LAPTM4B: variants seen among roughly 807,000 people sequenced by gnomAD.
The protein encoded by LAPTM4B is lysosomal-associated transmembrane protein 4B.
Under a neutral mutation model 28.5 loss-of-function variants are expected in LAPTM4B, and 26 were observed. That is an observed-to-expected ratio of 0.91 (90% CI 0.67 to 1.27). The LOEUF is 1.27. Among genes scored for constraint, LAPTM4B ranks in the 50% most tolerant of loss-of-function variants. The probability of loss-of-function intolerance (pLI) is 0.00; values close to 1 mark genes in which losing one functional copy is unlikely to be tolerated. For synonymous variants in LAPTM4B, 109 were observed against 106.4 expected (o/e 1.02, Z -0.15); for missense variants, 288 against 285.8 (o/e 1.01, Z -0.06).
intron 6 of LAPTM4B, among the ~76,000 whole-genome samples, chr8:97,841,047 C>G (rs886649810): frequency 2.0e-5 from 3 of 147,024 alleles, no homozygotes; most frequent in African/African-American, 7.6e-5. Flanking sequence ...TGGGCAGAGG[C>G]ACTCCTCACT....
chr8:97,825,224 T>C, intron 6 of LAPTM4B, 71 bp downstream of exon 6: 1 of 760,760 alleles, frequency 1.3e-6, no homozygotes, highest in Non-Finnish European at 2.3e-6. Context: ...TAAGTGTTTC[T>C]AGTGTTTGCT....
chr8:97,836,182 TAA>T (rs1296721643), intron 6 of LAPTM4B, among the ~76,000 whole-genome samples: 4 of 152,100 alleles, frequency 2.6e-5, no homozygotes, highest in East Asian at 3.9e-4. Flanking sequence ...TTATTCAAAT[TAA>T]GTTTTGTTTT....
rs34761391 is a variant in LAPTM4B, at chr8:97,797,138, CT to C, written c.100-8202del. Among the ~76,000 whole-genome samples, 38 of 146,506 alleles carry C rather than the reference CT, an allele frequency of 2.6e-4. 2 individuals carry two copies. The highest frequency in any genetic ancestry group is 6.3e-4 in the African/African-American group (25 of 39,938). On this transcript the variant is annotated intron_variant, in intron 1 of 6. Transcript: ENST00000521545. The stretch of plus-strand genomic sequence containing the variant: ...ATTAATAATAAAATTGGAATTACAA[CT>C]TTTTTTTTTTTTGAGATGAAGTTTT...
intron 2 of LAPTM4B, among the ~76,000 whole-genome samples, chr8:97,809,223 G>A (rs984875850): frequency 6.6e-6 from 1 of 152,132 alleles, no homozygotes; most frequent in African/African-American, 2.4e-5. Flanking sequence ...TAGAACCATA[G>A]CATTATCATT....
chr8:97,848,712 G>C (rs1817468568), intron 6 of LAPTM4B, among the ~76,000 whole-genome samples: 1 of 152,220 alleles, frequency 6.6e-6, no homozygotes, highest in Non-Finnish European at 1.5e-5. Context: ...CTAAAGATAA[G>C]TATATGAATC....
chr8:97,784,891 T>C (rs1427116033), intron 1 of LAPTM4B, among the ~76,000 whole-genome samples: 1 of 152,196 alleles, frequency 6.6e-6, no homozygotes, highest in East Asian at 1.9e-4. Flanking sequence ...TTTTACCAGT[T>C]AGTGAGTGAT....
chr8:97,802,393 G>A (rs952046648), intron 1 of LAPTM4B, among the ~76,000 whole-genome samples: 4 of 152,140 alleles, frequency 2.6e-5, no homozygotes, highest in Non-Finnish European at 5.9e-5. Context: ...ACCTGACGTT[G>A]CCATGGCATT....
At chr8:97,847,911 T>G (rs1563624865) in intron 6 of LAPTM4B, among the ~76,000 whole-genome samples, 1 of 152,210 alleles carries the variant, frequency 6.6e-6, no homozygotes, top group Non-Finnish European at 1.5e-5. Flanking sequence ...TCCAGGCATC[T>G]TAAGCTTTGG....
chr8:97,783,929 AGTTT>A (rs1387654538), intron 1 of LAPTM4B, among the ~76,000 whole-genome samples: 2 of 152,162 alleles, frequency 1.3e-5, no homozygotes, highest in African/African-American at 4.8e-5. Context: ...ATCTATTATC[AGTTT>A]GTTTATTAGA....
intron 1 of LAPTM4B, among the ~76,000 whole-genome samples, chr8:97,791,647 A>G (rs1341028732): frequency 6.6e-6 from 1 of 152,184 alleles, no homozygotes; most frequent in Admixed American, 6.5e-5. Flanking sequence ...TTGGTTTAGC[A>G]GAGTTGGCCA....
At chr8:97,801,362 A>G (rs1816677211) in intron 1 of LAPTM4B, among the ~76,000 whole-genome samples, 1 of 151,922 alleles carries the variant, frequency 6.6e-6, no homozygotes, top group African/African-American at 2.4e-5. Context: ...TTCTATTTTT[A>G]GCAGAGATGG....
chr8:97,851,528 C>A lies in LAPTM4B; in HGVS notation c.*54C>A. On this transcript the variant is annotated 3_prime_UTR_variant, in exon 7 of 7. Transcript: ENST00000521545. ...CAGCTTGACTTTGCAGACATCTGAG[C>A]AATAGTTCTGTTATTTCACTTTTGC... is the stretch of plus-strand genomic sequence containing the variant. The A allele has an allele frequency of 2.3e-6, 3 of 1,304,724 alleles. No homozygotes were observed. The highest frequency in any genetic ancestry group is 1.2e-5 in the South Asian group (1 of 83,848). The allele number at this position is 1,304,724 out of a possible 1,614,324, so 80.8% of individuals were successfully genotyped here. A position where few individuals can be genotyped will look rare whatever the true frequency, so the allele number is the denominator to read the frequency against.
At chr8:97,825,846 C>T (rs950191165) in intron 6 of LAPTM4B, among the ~76,000 whole-genome samples, 1 of 152,152 alleles carries the variant, frequency 6.6e-6, no homozygotes, top group Non-Finnish European at 1.5e-5. Flanking sequence ...CCAGGAAGTG[C>T]TCCATGCATG....
chr8:97,791,495 C>T (rs1816499320), intron 1 of LAPTM4B, among the ~76,000 whole-genome samples: 1 of 152,124 alleles, frequency 6.6e-6, no homozygotes, highest in Admixed American at 6.5e-5. Context: ...GAATGAACAC[C>T]AGAACCGACT....
At chr8:97,793,976 T>G (rs1485444798) in intron 1 of LAPTM4B, among the ~76,000 whole-genome samples, 1 of 151,990 alleles carries the variant, frequency 6.6e-6, no homozygotes, top group Non-Finnish European at 1.5e-5. Context: ...CCCAGCTAAT[T>G]GTTTTTTGTT....
chr8:97,796,722 C>T (rs1252336595), intron 1 of LAPTM4B, among the ~76,000 whole-genome samples: 1 of 150,014 alleles, frequency 6.7e-6, no homozygotes, highest in African/African-American at 2.5e-5. Flanking sequence ...GGCAGATCAC[C>T]TGAGGTCAGG....
At chr8:97,849,493 C>T (rs1229886759) in intron 6 of LAPTM4B, among the ~76,000 whole-genome samples, 1 of 152,182 alleles carries the variant, frequency 6.6e-6, no homozygotes, top group East Asian at 1.9e-4. Context: ...CATTCCTTTT[C>T]CACGTGGGCA....
intron 5 of LAPTM4B, among the ~76,000 whole-genome samples, chr8:97,820,572 A>G (rs1215901934): frequency 6.6e-6 from 1 of 152,144 alleles, no homozygotes; most frequent in Non-Finnish European, 1.5e-5. Context: ...AAAGTGGTTC[A>G]TTGGAAACCA....
chr8:97,805,930 G>C (rs548522962), intron 2 of LAPTM4B, among the ~76,000 whole-genome samples: 4 of 152,178 alleles, frequency 2.6e-5, no homozygotes, highest in Non-Finnish European at 5.9e-5. Context: ...TGGATGTGGG[G>C]TAAGCAGGGA....
Sources: gnomAD v4.1 joint callset for allele counts (sites outside exome capture counted in the v4.1 genomes callset) on GRCh38, gnomAD v4.1.1 for gene constraint, MANE v1.5 for transcripts, NCBI Gene and HGNC (gene_info 2026-07-23, HGNC 2026-07-21) for gene names.